KCNQ1: variants seen among roughly 807,000 people sequenced by gnomAD.
The protein encoded by KCNQ1 is potassium voltage-gated channel subfamily KQT member 1.
KCNQ1 carries 49 observed loss-of-function variants against 72.4 expected under a neutral mutation model. The ratio of observed to expected loss-of-function variants is 0.68; its 90% CI spans 0.54 to 0.86. KCNQ1 has a LOEUF of 0.86. Ranked by LOEUF, KCNQ1 falls within the 40% of genes least tolerant of loss-of-function variation. The probability of loss-of-function intolerance (pLI) is 0.00; values close to 1 mark genes in which losing one functional copy is unlikely to be tolerated. For missense variants in KCNQ1, 790 were observed against 945.1 expected (o/e 0.84, Z 2.15); for synonymous variants, 450 against 412.6 (o/e 1.09, Z -1.10).
chr11:2,524,702 A>G (rs1231083412), intron 1 of KCNQ1, among the ~76,000 whole-genome samples: 1 of 152,172 alleles, frequency 6.6e-6, no homozygotes, highest in African/African-American at 2.4e-5. Flanking sequence ...CTCAGGGTGA[A>G]GTCGACGCTC....
chr11:2,611,882 T>C lies in KCNQ1; in HGVS notation c.1393+23028T>C, dbSNP rs1848984153. On this transcript the variant is annotated intron_variant, in intron 10 of 15. Transcript: ENST00000155840. The surrounding 1 kb of genome is among the most constrained non-coding windows in gnomAD (Gnocchi z 5.3). ...TAGTTTATTTCCCCCATTTTTAAAG[T>C]GTAATCTGGAGGTTACAATAAGCAG... is the stretch of plus-strand genomic sequence containing the variant. The C allele has an allele frequency of 1.3e-5, 5 of 398,526 alleles. No homozygotes were observed. In the South Asian group the frequency reaches 3.8e-4, roughly 30 times the overall value. The allele number at this position is 398,526 out of a possible 1,614,324, so 24.7% of individuals were successfully genotyped here. A position where few individuals can be genotyped will look rare whatever the true frequency, so the allele number is the denominator to read the frequency against.
chr11:2,548,665 A>G (rs1455847212), intron 2 of KCNQ1, among the ~76,000 whole-genome samples: 2 of 152,226 alleles, frequency 1.3e-5, no homozygotes, highest in Non-Finnish European at 2.9e-5. Flanking sequence ...GCTGTTGGAT[A>G]CAGTGACCCA....
intron 1 of KCNQ1, among the ~76,000 whole-genome samples, chr11:2,499,656 A>G (rs1013848228): frequency 5.9e-5 from 9 of 152,228 alleles, no homozygotes; most frequent in African/African-American, 2.2e-4. Context: ...AGAAAAGATC[A>G]GGAGTAGCTA....
chr11:2,621,166 C>T lies in KCNQ1; in HGVS notation c.1393+32312C>T, dbSNP rs771300771. On this transcript the variant is annotated intron_variant, in intron 10 of 15. Coordinates refer to ENST00000155840, the MANE Select transcript of KCNQ1 (RefSeq NM_000218.3). The surrounding 1 kb of genome is among the most constrained non-coding windows in gnomAD (Gnocchi z 5.7). ...CTAATTTTTGTGTTTTTAGTAGAGA[C>T]GGGGTTTCACCATGTTGGCCAGGAT... 11 of 397,020 alleles carry T rather than the reference C, an allele frequency of 2.8e-5. No homozygotes were observed. The highest frequency in any genetic ancestry group is 8.8e-5 in the Admixed American group (2 of 22,652). The allele number at this position is 397,020 out of a possible 1,614,324, so 24.6% of individuals were successfully genotyped here. A position where few individuals can be genotyped will look rare whatever the true frequency, so the allele number is the denominator to read the frequency against.
rs780507024 is a variant in KCNQ1, at chr11:2,669,350, G to C, written c.1514+7269G>C. On this transcript the variant is annotated intron_variant, in intron 11 of 15. Transcript: ENST00000155840. The surrounding 1 kb of genome is among the most constrained non-coding windows in gnomAD (Gnocchi z 5.6). Reference sequence around the variant, plus strand: ...TCTAGGCGCAGCAGCCTCTAGATGGGCATGGGAGAATGGGTATCCTTATAG... The same window carrying C: ...TCTAGGCGCAGCAGCCTCTAGATGGCCATGGGAGAATGGGTATCCTTATAG... 5.0e-6 allele frequency: 2 copies of C among 398,630 alleles called. No homozygotes were observed. The highest frequency in any genetic ancestry group is 8.8e-5 in the Admixed American group (2 of 22,734). The allele number at this position is 398,630 out of a possible 1,614,324, so 24.7% of individuals were successfully genotyped here.
chr11:2,828,785 C>T lies in KCNQ1; in HGVS notation c.1795-18982C>T, dbSNP rs1436881897. On this transcript the variant is annotated intron_variant, in intron 15 of 15. Coordinates refer to ENST00000155840, the MANE Select transcript of KCNQ1 (RefSeq NM_000218.3). This position sits in a 1 kb window ranked among gnomAD's most constrained non-coding sequence, Gnocchi z 5.3. Reference sequence around the variant, plus strand: ...AGCTAAAAAGGAAGACCTCCTCCCCCACTTCCCTCATCAACTCCCAGAATG... The same window carrying T: ...AGCTAAAAAGGAAGACCTCCTCCCCTACTTCCCTCATCAACTCCCAGAATG... Among the ~76,000 whole-genome samples the T allele has an allele frequency of 6.6e-6, 1 of 152,238 alleles. No individual in the cohort carries two copies. Among genetic ancestry groups the T allele is most frequent in the Non-Finnish European group, 1.5e-5 (1 of 68,044 alleles).
intron 15 of KCNQ1, among the ~76,000 whole-genome samples, chr11:2,778,772 T>C (rs1372204909): frequency 1.3e-5 from 2 of 152,210 alleles, no homozygotes; most frequent in Non-Finnish European, 1.5e-5. Flanking sequence ...GCTGAGAGGC[T>C]AAAAATAGAG....
intron 15 of KCNQ1, among the ~76,000 whole-genome samples, chr11:2,811,979 GC>G (rs1847496622): frequency 6.6e-6 from 1 of 152,162 alleles, no homozygotes; most frequent in African/African-American, 2.4e-5. Flanking sequence ...CCACGCCCTG[GC>G]ACGCAGCCCC....
rs907610227 is a variant in KCNQ1, at chr11:2,658,171, A to G, written c.1394-3790A>G. The G allele has an allele frequency of 2.8e-5, 11 of 398,474 alleles. No homozygotes were observed. Among genetic ancestry groups the G allele is most frequent in the Non-Finnish European group, 4.9e-5 (11 of 226,054 alleles). The allele number at this position is 398,474 out of a possible 1,614,324, so 24.7% of individuals were successfully genotyped here. ...CAATTAAAATACATTTCAAGGAAGAAACTGTGAAGTTTCTGAGTTTCACTA... is the reference window on the plus strand; with the variant it reads ...CAATTAAAATACATTTCAAGGAAGAGACTGTGAAGTTTCTGAGTTTCACTA... On this transcript the variant is annotated intron_variant, in intron 10 of 15. Coordinates refer to ENST00000155840, the MANE Select transcript of KCNQ1 (RefSeq NM_000218.3). The surrounding 1 kb of genome is among the most constrained non-coding windows in gnomAD (Gnocchi z 4.9).
intron 15 of KCNQ1, among the ~76,000 whole-genome samples, chr11:2,841,900 C>T (rs1848221433): frequency 1.3e-5 from 2 of 152,170 alleles, no homozygotes; most frequent in Admixed American, 1.3e-4. Flanking sequence ...GGAGGCAACC[C>T]CGCTCCTGGG....
chr11:2,686,578 T>C (rs772148892), intron 11 of KCNQ1: 8 of 398,568 alleles, frequency 2.0e-5, no homozygotes, highest in African/African-American at 6.2e-5. Flanking sequence ...CTGTGGTGAC[T>C]AGAATGGCAG....
chr11:2,751,020 T>A (rs1407573339), intron 11 of KCNQ1, among the ~76,000 whole-genome samples: 2 of 152,160 alleles, frequency 1.3e-5, no homozygotes, highest in African/African-American at 2.4e-5. Context: ...CTTCGCTAGC[T>A]CCTTCCTGGT....
In KCNQ1 at chr11:2,683,009, A is replaced by C; in HGVS notation, c.1514+20928A>C. 1 of 398,624 alleles carries C rather than the reference A, an allele frequency of 2.5e-6. No homozygotes were observed. The highest frequency in any genetic ancestry group is 4.4e-6 in the Non-Finnish European group (1 of 226,094). The allele number at this position is 398,624 out of a possible 1,614,324, so 24.7% of individuals were successfully genotyped here. On this transcript the variant is annotated intron_variant, in intron 11 of 15. Coordinates refer to ENST00000155840, the MANE Select transcript of KCNQ1 (RefSeq NM_000218.3). This position sits in a 1 kb window ranked among gnomAD's most constrained non-coding sequence, Gnocchi z 4.7. ...CATCTCCCTTGTGCTGTGCAGCCTT[A>C]GTTCTGCCTCCTGAGAGAGGTGACC... is the stretch of plus-strand genomic sequence containing the variant.
At chr11:2,681,799 C>G in intron 11 of KCNQ1, 1 of 398,578 alleles carries the variant, frequency 2.5e-6, no homozygotes, top group Non-Finnish European at 4.4e-6. Flanking sequence ...GGTACAGTCC[C>G]TGCCTTCTCA....
Position 2,620,364 on chromosome 11 carries a change from G to A in KCNQ1, c.1393+31510G>A, listed in dbSNP as rs1324915006. ...CCTGAGTAGCTGGGATTAGAGGCATGCGCCACCACGTCCAGCTAATTTTGT... is the reference window on the plus strand; with the variant it reads ...CCTGAGTAGCTGGGATTAGAGGCATACGCCACCACGTCCAGCTAATTTTGT... On this transcript the variant is annotated intron_variant, in intron 10 of 15. Transcript: ENST00000155840. This position sits in a 1 kb window ranked among gnomAD's most constrained non-coding sequence, Gnocchi z 4.5. The A allele has an allele frequency of 4.9e-6, 1 of 204,398 alleles. No homozygotes were observed. The highest frequency in any genetic ancestry group is 9.6e-6 in the Non-Finnish European group (1 of 104,088). 12.7% of individuals were successfully genotyped at this position (204,398 alleles called of 1,614,324 possible). A position where few individuals can be genotyped will look rare whatever the true frequency, so the allele number is the denominator to read the frequency against.
chr11:2,453,264 T>C (rs978149410), intron 1 of KCNQ1, among the ~76,000 whole-genome samples: 8 of 152,148 alleles, frequency 5.3e-5, no homozygotes, highest in African/African-American at 1.9e-4. Flanking sequence ...TCCCAGCTAC[T>C]TGGGAGGCTG....
intron 1 of KCNQ1, among the ~76,000 whole-genome samples, chr11:2,505,822 A>G (rs932399223): frequency 6.6e-6 from 1 of 151,388 alleles, no homozygotes; most frequent in Non-Finnish European, 1.5e-5. Flanking sequence ...TTTGCATGGA[A>G]CCTCTTTCTC....
chr11:2,836,316 A>G (rs1009482912), intron 15 of KCNQ1, among the ~76,000 whole-genome samples: 1 of 152,118 alleles, frequency 6.6e-6, no homozygotes, highest in African/African-American at 2.4e-5. Context: ...GAGCCCCCAC[A>G]CCCACAGAGC....
chr11:2,833,195 C>T (rs895485374), intron 15 of KCNQ1, among the ~76,000 whole-genome samples: 10 of 152,166 alleles, frequency 6.6e-5, no homozygotes, highest in African/African-American at 2.4e-4. Flanking sequence ...CCTGTGGAAG[C>T]CCCTGCACGC....
Sources: allele counts gnomAD v4.1 joint callset (sites outside exome capture counted in the v4.1 genomes callset), GRCh38; gene constraint gnomAD v4.1.1; non-coding constraint Gnocchi (gnomAD v3.1); transcripts MANE v1.5; gene names NCBI Gene and HGNC (gene_info 2026-07-23, HGNC 2026-07-21).